The following KRT26 variants were observed in gnomAD, a reference collection of about 807,000 sequenced individuals.
The protein encoded by KRT26 is keratin, type I cytoskeletal 26.
In KRT26, 45 loss-of-function variants were observed where a neutral mutation model predicts 46.1. The ratio of observed to expected loss-of-function variants is 0.98; its 90% CI spans 0.77 to 1.25. The LOEUF is 1.25. KRT26 is among the 50% of genes most tolerant of loss of function. KRT26 has a pLI of 0.00. For missense variants in KRT26, 582 were observed against 560.1 expected, an observed-to-expected ratio of 1.04 and a Z score of -0.39; for synonymous variants, 191 against 209.9, an observed-to-expected ratio of 0.91 and a Z score of 0.78.
chr17:40,769,172 T>G (rs1361656820), intron 5 of KRT26, 76 bp from the exon 6 acceptor site: 8 of 950,510 alleles, frequency 8.4e-6, no homozygotes, highest in Non-Finnish European at 1.3e-5. Context: ...TTTATTTATT[T>G]TTTTGAGACT....
chr17:40,767,197 T>A (rs1371002045), intron 7 of KRT26, among the ~76,000 whole-genome samples: 1 of 152,222 alleles, frequency 6.6e-6, no homozygotes, highest in Admixed American at 6.5e-5. Flanking sequence ...AAATGAAACA[T>A]GGATTAAAAC....
exon 1 of KRT26, chr17:40,771,789 C>G: frequency 6.2e-7 from 1 of 1,614,154 alleles, no homozygotes; most frequent in South Asian, 1.1e-5. Flanking sequence ...TCCAGGTCTG[C>G]GTTGGCCTCC....
At position 40,768,650 on chromosome 17, in the gene KRT26, T is replaced by A. The variant is rs889250721; in HGVS notation, c.1187+229A>T. ...CTGGAATTGTTAAATATTCTATATT[T>A]AAATGTCCTTTATATATTATACATA... On this transcript the variant is annotated intron_variant, in intron 6 of 7. Transcript: ENST00000335552. Among the ~76,000 whole-genome samples the A allele has an allele frequency of 2.0e-5, 3 of 152,258 alleles. No individual in the cohort carries two copies. The East Asian group carries it at 5.8e-4, about 29-fold the overall frequency.
intron 1 of KRT26, 46 bp from the exon 2 acceptor site, chr17:40,771,282 G>A (rs1312996670): frequency 9.9e-7 from 1 of 1,014,914 alleles, no homozygotes; most frequent in Non-Finnish European, 1.5e-6. Flanking sequence ...AAAAGTCAAA[G>A]GAGGCTCCAG....
chr17:40,767,477 C>A, intron 7 of KRT26, 109 bp downstream of exon 7: 1 of 577,358 alleles, frequency 1.7e-6, no homozygotes, highest in Non-Finnish European at 3.0e-6. Context: ...CTTTATTCAC[C>A]AGAAGTAAAC....
At chr17:40,766,530 A>G in exon 8 of KRT26, 1 of 1,607,652 alleles carries the variant, frequency 6.2e-7, no homozygotes. Flanking sequence ...GTGCTTTAGA[A>G]GGTACTCGTT....
chr17:40,768,324 G>A lies in KRT26; in HGVS notation c.1187+555C>T, dbSNP rs115146613. ...TATAGTTAAGACTTGTTACAAGTAT[G>A]GTTTTGGCTTTATCACAATTTCATC... On this transcript the variant is annotated intron_variant, in intron 6 of 7. Transcript: ENST00000335552. Among the ~76,000 whole-genome samples, 804 of 152,278 alleles carry A rather than the reference G, an allele frequency of 5.3e-3. 6 individuals are homozygous for A. Among genetic ancestry groups the A allele is most frequent in the African/African-American group, 0.018 (763 of 41,570 alleles).
At chr17:40,771,970 C>A (rs1442890683) in exon 1 of KRT26, 1 of 1,614,066 alleles carries the variant, frequency 6.2e-7, no homozygotes, top group South Asian at 1.1e-5. Context: ...AAGAGATGCC[C>A]TCAAGAGTAC....
Position 40,767,764 on chromosome 17 carries a change from A to G in KRT26, c.1188-111T>C, listed in dbSNP as rs1003223991. 3 of 591,354 alleles carry G rather than the reference A, an allele frequency of 5.1e-6. No homozygotes were observed. The African/African-American group carries it at 5.7e-5, about 11-fold the overall frequency. 36.6% of individuals were successfully genotyped at this position (591,354 alleles called of 1,614,324 possible). A position where few individuals can be genotyped will look rare whatever the true frequency, so the allele number is the denominator to read the frequency against. On this transcript the variant is annotated intron_variant, in intron 6 of 7. Transcript: ENST00000335552. ...GGAATTCTAGTTTCAATAAGATTCA[A>G]ATTCCTTATATATTTAAAGGACATT...
chr17:40,772,142 C>A (rs1011143019), exon 1 of KRT26: 1 of 1,599,710 alleles, frequency 6.3e-7, no homozygotes, highest in Non-Finnish European at 8.6e-7. Context: ...CAACCCCTTC[C>A]CAGAAAGAGG....
intron 7 of KRT26, among the ~76,000 whole-genome samples, chr17:40,766,956 T>C (rs971065151): frequency 4.6e-5 from 7 of 152,308 alleles, no homozygotes; most frequent in Admixed American, 4.6e-4. Flanking sequence ...ACCAGGCTGG[T>C]CTCGAACTCC....
At chr17:40,769,020 A>G (rs773885512) in exon 6 of KRT26, 9 of 1,613,940 alleles carry the variant, frequency 5.6e-6, no homozygotes, top group Non-Finnish European at 7.6e-6. Flanking sequence ...CATCACCCCT[A>G]TCTGATCCTG....
intron 2 of KRT26, among the ~76,000 whole-genome samples, chr17:40,770,825 C>T (rs1320491870): frequency 6.6e-6 from 1 of 152,182 alleles, no homozygotes; most frequent in Non-Finnish European, 1.5e-5. Flanking sequence ...GCTGGGATTA[C>T]AGGAGTGAGC....
At chr17:40,766,471 TC>T (rs1213609539) in exon 8 of KRT26, 10 of 1,461,616 alleles carry the variant, frequency 6.8e-6, no homozygotes, top group African/African-American at 1.4e-5. Context: ...TTTCTTTCTC[TC>T]TCTCTCTCTT....
exon 1 of KRT26, chr17:40,771,905 C>T: frequency 6.2e-7 from 1 of 1,614,148 alleles, no homozygotes; most frequent in Non-Finnish European, 8.5e-7. Context: ...GCCAAGAAAA[C>T]CAGCACAGGC....
At chr17:40,767,565 G>GT in intron 7 of KRT26, 21 bp downstream of exon 7, 1 of 1,503,394 alleles carries the variant, frequency 6.7e-7, no homozygotes, top group Non-Finnish European at 9.1e-7. Context: ...GTTACACCAG[G>GT]TAAAAAAAAT....
At chr17:40,770,850 AT>A (rs1223376290) in intron 2 of KRT26, among the ~76,000 whole-genome samples, 1 of 151,874 alleles carries the variant, frequency 6.6e-6, no homozygotes, top group Non-Finnish European at 1.5e-5. Flanking sequence ...ATGCCTGACT[AT>A]TTTTTTGTGT....
chr17:40,770,080 C>T lies in KRT26; in HGVS notation c.724G>A (p.Val242Met), dbSNP rs778623364. Residue 242 changes from valine (V) to methionine (M), a missense_variant, in exon 4 of 8, where the codon GTG (valine) becomes ATG (methionine). Coordinates refer to ENST00000335552, the Ensembl canonical transcript of KRT26. ...ACTCCTGGGGTTGCATTCATCTCCA[C>T]GTTCACGTTCCCCCCAGCTGTATAT... 1.4e-5 allele frequency: 22 copies of T among 1,614,048 alleles called. 1 individual carries two copies. Among genetic ancestry groups the T allele is most frequent in the Middle Eastern group, 1.6e-4 (1 of 6,084 alleles).
exon 2 of KRT26, chr17:40,771,160 C>A: frequency 6.3e-7 from 1 of 1,582,534 alleles, no homozygotes; most frequent in Non-Finnish European, 8.6e-7. Flanking sequence ...CTACTTCAGC[C>A]TGAAGTCATC....
Sources: allele counts gnomAD v4.1 joint callset (sites outside exome capture counted in the v4.1 genomes callset), GRCh38; gene constraint gnomAD v4.1.1; transcripts MANE v1.5; gene names NCBI Gene and HGNC (gene_info 2026-07-23, HGNC 2026-07-21).